Variants in TMEFF2 observed in about 807,000 individuals in gnomAD.
TMEFF2 encodes the protein transmembrane protein with EGF like and two follistatin like domains 2, also known as tomoregulin-2.
Under a neutral mutation model 53.8 loss-of-function variants are expected in TMEFF2, and 28 were observed. The ratio of observed to expected loss-of-function variants is 0.52; its 90% CI spans 0.39 to 0.71. The LOEUF is 0.71. Among genes scored for constraint, TMEFF2 ranks in the 30% least tolerant of loss-of-function variants. The probability of loss-of-function intolerance (pLI) is 0.00; values close to 1 mark genes in which losing one functional copy is unlikely to be tolerated. For missense variants in TMEFF2, 353 were observed against 455.2 expected, an observed-to-expected ratio of 0.78 and a Z score of 2.04; for synonymous variants, 162 against 166.3, an observed-to-expected ratio of 0.97 and a Z score of 0.20.
chr2:192,048,156 G>A (rs1182533975), intron 5 of TMEFF2, among the ~76,000 whole-genome samples: 4 of 148,216 alleles, frequency 2.7e-5, no homozygotes, highest in South Asian at 4.4e-4. Context: ...ACGCTCAAAC[G>A]AATTTTTTTT....
At chr2:192,131,483 G>A (rs183007333) in intron 4 of TMEFF2, among the ~76,000 whole-genome samples, 2,136 of 151,988 alleles carry the variant, frequency 0.014, 49 homozygotes, top group African/African-American at 0.047. Context: ...ACTTTTCTAG[G>A]GGGCAAGAAC....
chr2:192,002,865 G>T (rs988320525), intron 5 of TMEFF2, among the ~76,000 whole-genome samples: 3 of 151,912 alleles, frequency 2.0e-5, no homozygotes, highest in African/African-American at 7.3e-5. Context: ...AAACGATGAA[G>T]CTTGGGGAAA....
rs866507936 is a variant in TMEFF2 at position 191,953,811 on chromosome 2, T to C, written c.896A>G (p.His299Arg). ...AACACTGTAGTCCTTTTTTTCACAG[T>C]GTTGTCCAGTATAACCAGCATCACA... is the stretch of plus-strand genomic sequence containing the variant. ...CRCDAGYTGQHCEKKDYSVLY... is the reference protein window; with the variant it reads ...CRCDAGYTGQRCEKKDYSVLY... The change falls in exon 9 of 10, where the codon CAC (histidine) becomes CGC (arginine). Residue 299 changes from histidine to arginine, a missense_variant. Physicochemically the swap from His to Arg is conservative, Grantham distance 29. This residue lies in a region of TMEFF2 where 294 missense variants were observed against 397.3 expected (regional missense o/e 0.74). Transcript: ENST00000272771. 6.2e-7 allele frequency: 1 copy of C among 1,612,914 alleles called. No homozygotes were observed. The highest frequency in any genetic ancestry group is 8.5e-7 in the Non-Finnish European group (1 of 1,179,548).
intron 4 of TMEFF2, among the ~76,000 whole-genome samples, chr2:192,069,964 A>ATG (rs377496762): frequency 0.056 from 4,773 of 85,568 alleles, 201 homozygotes; most frequent in Non-Finnish European, 0.064. Flanking sequence ...ATTTAGAAAA[A>ATG]TGTGTGTGTG....
At chr2:191,955,736 T>A (rs1313301929) in intron 8 of TMEFF2, among the ~76,000 whole-genome samples, 1 of 151,810 alleles carries the variant, frequency 6.6e-6, no homozygotes, top group Non-Finnish European at 1.5e-5. Context: ...TGGCTAATGA[T>A]TTCACTTTGC....
rs73045785 is a variant in TMEFF2 at position 192,129,882 on chromosome 2, C to T, written c.439+49786G>A. Among the ~76,000 whole-genome samples, 681 of 152,182 alleles carry T rather than the reference C, an allele frequency of 4.5e-3. 3 individuals are homozygous for T. Among genetic ancestry groups the T allele is most frequent in the Middle Eastern group, 0.014 (4 of 294 alleles). On this transcript the variant is annotated intron_variant, in intron 4 of 9. Transcript: ENST00000272771. ...AGTCATTTACATTTGTATTTCTTAC[C>T]GCAGTTTTTCTAAAAACAAATTAAC...
intron 4 of TMEFF2, among the ~76,000 whole-genome samples, chr2:192,131,424 G>A (rs1689825945): frequency 6.6e-6 from 1 of 151,996 alleles, no homozygotes; most frequent in Non-Finnish European, 1.5e-5. Flanking sequence ...TCTGGGGGAA[G>A]GGCAAGTACC....
chr2:192,102,634 T>TC (rs1689058525), intron 4 of TMEFF2, among the ~76,000 whole-genome samples: 2 of 146,708 alleles, frequency 1.4e-5, no homozygotes, highest in Admixed American at 1.4e-4. Flanking sequence ...TTCTTTTTTT[T>TC]TTTTTTTTTT....
chr2:192,057,801 G>A (rs377052353), intron 4 of TMEFF2, 26 bp from the exon 5 acceptor site: 101 of 1,568,228 alleles, frequency 6.4e-5, no homozygotes, highest in Non-Finnish European at 8.4e-5. Context: ...ACAGTAAAAG[G>A]AATTCAGGTA....
At chr2:192,087,111 A>C (rs551904632) in intron 4 of TMEFF2, among the ~76,000 whole-genome samples, 53 of 151,598 alleles carry the variant, frequency 3.5e-4, no homozygotes, top group South Asian at 6.2e-4. Context: ...TTTATACCCT[A>C]CTCTGGGAAG....
intron 5 of TMEFF2, among the ~76,000 whole-genome samples, chr2:192,006,988 A>G (rs1373359994): frequency 1.3e-5 from 2 of 152,208 alleles, no homozygotes; most frequent in Non-Finnish European, 2.9e-5. Flanking sequence ...TGGTGCAATA[A>G]TATCTGGAGG....
intron 4 of TMEFF2, among the ~76,000 whole-genome samples, chr2:192,118,965 T>G (rs1689481178): frequency 6.6e-6 from 1 of 152,182 alleles, no homozygotes. Flanking sequence ...TCTGAATTGG[T>G]GAAAATGTCT....
chr2:192,082,091 T>A (rs999077385), intron 4 of TMEFF2, among the ~76,000 whole-genome samples: 6 of 152,184 alleles, frequency 3.9e-5, no homozygotes, highest in Non-Finnish European at 8.8e-5. Context: ...TGAGCCACCG[T>A]GCCCGGCCTA....
At chr2:192,169,098 C>T (rs563049851) in intron 4 of TMEFF2, among the ~76,000 whole-genome samples, 1 of 152,076 alleles carries the variant, frequency 6.6e-6, no homozygotes, top group Non-Finnish European at 1.5e-5. Context: ...AAGCACCAGG[C>T]TTTCTTTTCT....
intron 4 of TMEFF2, among the ~76,000 whole-genome samples, chr2:192,089,938 C>T (rs1688753443): frequency 6.6e-6 from 1 of 152,162 alleles, no homozygotes; most frequent in African/African-American, 2.4e-5. Flanking sequence ...CACGCATTGA[C>T]TTCCCTATGT....
intron 4 of TMEFF2, among the ~76,000 whole-genome samples, chr2:192,079,158 G>A (rs1325434456): frequency 6.6e-6 from 1 of 152,186 alleles, no homozygotes; most frequent in Non-Finnish European, 1.5e-5. Flanking sequence ...CAAAAATTGA[G>A]CACAGTGAGG....
chr2:192,090,287 C>T (rs1464818211), intron 4 of TMEFF2, among the ~76,000 whole-genome samples: 2 of 152,004 alleles, frequency 1.3e-5, no homozygotes, highest in African/African-American at 4.8e-5. Context: ...TGCTGAAAGA[C>T]AAAAATTGTA....
intron 2 of TMEFF2, among the ~76,000 whole-genome samples, chr2:192,185,939 C>A (rs1009128437): frequency 2.0e-5 from 3 of 151,830 alleles, no homozygotes; most frequent in African/African-American, 7.3e-5. Context: ...AACAGTAAAC[C>A]CAAATGGTAT....
chr2:191,966,114 C>G (rs1454965654), intron 7 of TMEFF2, among the ~76,000 whole-genome samples: 1 of 152,004 alleles, frequency 6.6e-6, no homozygotes, highest in African/African-American at 2.4e-5. Context: ...TGGGAAGTTT[C>G]CAGAAAATAT....
Sources: gnomAD v4.1 joint callset for allele counts (sites outside exome capture counted in the v4.1 genomes callset) on GRCh38, gnomAD v4.1.1 for gene constraint, gnomAD v4.1.1 regional missense constraint, MANE v1.5 for transcripts, NCBI Gene and HGNC (gene_info 2026-07-23, HGNC 2026-07-21) for gene names.